The following RIPK1 variants were observed in gnomAD, a reference collection of about 807,000 sequenced individuals.
RIPK1 encodes the protein receptor-interacting serine/threonine-protein kinase 1.
In RIPK1, 27 loss-of-function variants were observed where a neutral mutation model predicts 62.4. The ratio of observed to expected loss-of-function variants is 0.43; its 90% confidence interval spans 0.32 to 0.60. The LOEUF is 0.60. Among genes scored for constraint, RIPK1 ranks in the 20% least tolerant of loss-of-function variants. The probability of loss-of-function intolerance (pLI) is 0.07; values close to 1 mark genes in which losing one functional copy is unlikely to be tolerated. For missense variants in RIPK1, 735 were observed against 831.0 expected (o/e 0.88, Z 1.42); for synonymous variants, 287 against 303.2 (o/e 0.95, Z 0.55).
Position 3,072,238 on chromosome 6 carries a change from C to T in RIPK1, c.-61+3577C>T, listed in dbSNP as rs1329191619. On this transcript the variant is annotated intron_variant, in intron 1 of 10. Coordinates refer to ENST00000259808, the MANE Select transcript of RIPK1 (RefSeq NM_001354930.2). This position sits in a 1 kb window ranked among gnomAD's most constrained non-coding sequence, Gnocchi z 5.6. ...TTTCAAAAAAATAATTTTAATTTTACATTTAATTCATGTCTATTGTGGAAA... is the reference window on the plus strand; with the variant it reads ...TTTCAAAAAAATAATTTTAATTTTATATTTAATTCATGTCTATTGTGGAAA... Among the ~76,000 whole-genome samples the T allele has an allele frequency of 6.6e-6, 1 of 152,098 alleles. No homozygotes were observed. Among genetic ancestry groups the T allele is most frequent in the Non-Finnish European group, 1.5e-5 (1 of 68,024 alleles).
intron 9 of RIPK1, among the ~76,000 whole-genome samples, chr6:3,110,186 T>A (rs1354792032): frequency 1.3e-5 from 2 of 150,374 alleles, no homozygotes; most frequent in Non-Finnish European, 2.9e-5. Context: ...CTATCTTTAA[T>A]TTTTTTGAAG....
At chr6:3,075,300 C>T (rs1429429396) in intron 1 of RIPK1, among the ~76,000 whole-genome samples, 1 of 151,976 alleles carries the variant, frequency 6.6e-6, no homozygotes, top group Non-Finnish European at 1.5e-5. Context: ...GGTTTTTATT[C>T]TATATTTCAG....
chr6:3,066,255 C>T (rs1295110830), upstream of RIPK1, among the ~76,000 whole-genome samples: 1 of 152,210 alleles, frequency 6.6e-6, no homozygotes, highest in Non-Finnish European at 1.5e-5. Flanking sequence ...AACCCCTGAG[C>T]TCAGGCAATC....
upstream of RIPK1, among the ~76,000 whole-genome samples, chr6:3,065,310 G>T (rs1329961269): frequency 6.6e-6 from 1 of 150,438 alleles, no homozygotes; most frequent in Non-Finnish European, 1.5e-5. Flanking sequence ...TTTCTGAGGT[G>T]CCGTGCGGCT....
rs558452091 is a variant in RIPK1 at position 3,107,975 on chromosome 6, C to T, written c.1576+1924C>T. ...CAGGTACTAAGCTAGTAAATGAACA[C>T]GCTGAGTTTCTCCTTGCAAATTTAA... On this transcript the variant is annotated intron_variant, in intron 9 of 10. Transcript: ENST00000259808. 5.3e-5 allele frequency among the ~76,000 whole-genome samples: 8 copies of T among 151,672 alleles called. No homozygotes were observed. The South Asian group carries it at 6.2e-4, about 12-fold the overall frequency.
At chr6:3,095,036 C>T (rs1760211638) in intron 7 of RIPK1, among the ~76,000 whole-genome samples, 1 of 151,344 alleles carries the variant, frequency 6.6e-6, no homozygotes, top group Non-Finnish European at 1.5e-5. Context: ...CCAACCTGGG[C>T]AACAGAGTGA....
At chr6:3,087,554 C>G (rs1283620736) in intron 6 of RIPK1, among the ~76,000 whole-genome samples, 1 of 148,104 alleles carries the variant, frequency 6.8e-6, no homozygotes, top group East Asian at 1.9e-4. Flanking sequence ...AACCTGTCTA[C>G]TGAGCTTTTT....
At chr6:3,106,688 T>G (rs934844018) in intron 9 of RIPK1, among the ~76,000 whole-genome samples, 1 of 152,224 alleles carries the variant, frequency 6.6e-6, no homozygotes, top group African/African-American at 2.4e-5. Context: ...GAGGAAGCTT[T>G]CAGAACCACA....
At chr6:3,085,115 C>A in intron 5 of RIPK1, 144 bp from the exon 6 acceptor site, 2 of 779,616 alleles carry the variant, frequency 2.6e-6, no homozygotes, top group Non-Finnish European at 4.2e-6. Context: ...TGGAATATGT[C>A]AGCTCCTTGT....
At chr6:3,081,866 A>T (rs1241073076) in intron 4 of RIPK1, among the ~76,000 whole-genome samples, 2 of 1,534 alleles carry the variant, frequency 1.3e-3, no homozygotes, top group African/African-American at 4.0e-3. Flanking sequence ...GCCTTAAAAA[A>T]AAAAAAAAAA....
chr6:3,085,126 C>G (rs1212258256), intron 5 of RIPK1, 133 bp from the exon 6 acceptor site: 2 of 872,354 alleles, frequency 2.3e-6, no homozygotes, highest in Non-Finnish European at 3.6e-6. Context: ...AGCTCCTTGT[C>G]ATAAGGCCAT....
intron 9 of RIPK1, among the ~76,000 whole-genome samples, chr6:3,108,392 T>G (rs1424972530): frequency 3.9e-5 from 6 of 152,314 alleles, no homozygotes; most frequent in Non-Finnish European, 7.3e-5. Context: ...GTTTCTCCAC[T>G]TCGTAACTTT....
intron 4 of RIPK1, among the ~76,000 whole-genome samples, chr6:3,081,923 A>C (rs1759411254): frequency 7.5e-6 from 1 of 132,824 alleles, no homozygotes; most frequent in African/African-American, 2.7e-5. Flanking sequence ...TGCATCAAAA[A>C]CCTCTACTTT....
chr6:3,108,950 C>A (rs1761010383), intron 9 of RIPK1, among the ~76,000 whole-genome samples: 1 of 152,138 alleles, frequency 6.6e-6, no homozygotes, highest in Non-Finnish European at 1.5e-5. Context: ...ACGGAGGTAC[C>A]TTGAGCTGAT....
In RIPK1 at chr6:3,110,838, G is replaced by A. The variant is rs1761118509; in HGVS notation, c.1612G>A (p.Gly538Ser). 2 of 1,588,506 alleles carry A rather than the reference G, an allele frequency of 1.3e-6. No individual in the cohort carries two copies. Residue 538 changes from glycine (G) to serine (S), a missense_variant, in exon 10 of 11, where the codon GGC (glycine) becomes AGC (serine). Gly to Ser is a moderately conservative substitution (Grantham distance 56, BLOSUM62 0). Around this residue, in one of 2 missense-constraint regions of RIPK1, gnomAD observed 671 missense variants for 726.2 expected, o/e 0.92. Transcript: ENST00000259808. ...SIKYTIYNST[G>S]IQIGAYNYME... ...AAAATATACCATATACAATAGTACT[G>A]GCATTCAGATTGGAGCCTACAATTA...
chr6:3,085,579 T>C (rs374080314), intron 6 of RIPK1, among the ~76,000 whole-genome samples, 171 bp downstream of exon 6: 14 of 152,242 alleles, frequency 9.2e-5, no homozygotes, highest in African/African-American at 3.4e-4. Context: ...AGAAGCCCTC[T>C]CTCTCAAAAG....
rs143215134 is a variant in RIPK1 at position 3,110,882 on chromosome 6, G to A, written c.1656G>A (p.Thr552=). Residue 552 remains threonine, a synonymous_variant, in exon 10 of 11, where the codon ACG becomes ACA. Coordinates refer to ENST00000259808, the MANE Select transcript of RIPK1 (RefSeq NM_001354930.2). ...GAYNYMEIGG[T]SSSLLDSTNT... is the part of the protein sequence containing the mutation. ...ACAATTATATGGAGATTGGTGGGAC[G>A]AGTTCATCACTACTAGACAGCACAA... 156 of 1,610,382 alleles carry A rather than the reference G, an allele frequency of 9.7e-5. No individual in the cohort carries two copies. The highest frequency in any genetic ancestry group is 7.7e-4 in the Admixed American group (46 of 60,004).
chr6:3,080,938 A>C (rs1272263821), intron 3 of RIPK1, 41 bp from the exon 4 acceptor site: 1 of 1,600,318 alleles, frequency 6.2e-7, no homozygotes, highest in Admixed American at 1.7e-5. Context: ...GGCCTATTTG[A>C]TAACCTTTCC....
At chr6:3,089,742 A>G (rs1759926233) in intron 7 of RIPK1, 85 bp downstream of exon 7, 1 of 812,272 alleles carries the variant, frequency 1.2e-6, no homozygotes, top group Non-Finnish European at 2.1e-6. Context: ...GTGATTTGTT[A>G]TTGAGATTTG....
Sources: allele counts gnomAD v4.1 joint callset (sites outside exome capture counted in the v4.1 genomes callset), GRCh38; gene constraint gnomAD v4.1.1; regional missense constraint gnomAD v4.1.1; non-coding constraint Gnocchi (gnomAD v3.1); transcripts MANE v1.5; gene names NCBI Gene and HGNC (gene_info 2026-07-23, HGNC 2026-07-21).